PDE3A: variants seen among roughly 807,000 people sequenced by gnomAD.
PDE3A encodes phosphodiesterase 3A, also known as cGMP-inhibited 3',5'-cyclic phosphodiesterase 3A.
Under a neutral mutation model 98.3 loss-of-function variants are expected in PDE3A, and 43 were observed. The ratio of observed to expected loss-of-function variants is 0.44; its 90% CI spans 0.34 to 0.56. The LOEUF is 0.56. Among genes scored for constraint, PDE3A ranks in the 20% least tolerant of loss-of-function variants. PDE3A has a pLI of 0.01. For missense variants in PDE3A, 1,427 were observed against 1,440.7 expected, an observed-to-expected ratio of 0.99 and a Z score of 0.15; for synonymous variants, 663 against 567.9, an observed-to-expected ratio of 1.17 and a Z score of -2.38.
chr12:20,432,693 C>G (rs1214298498), intron 1 of PDE3A, among the ~76,000 whole-genome samples: 1 of 152,204 alleles, frequency 6.6e-6, no homozygotes, highest in East Asian at 1.9e-4. Flanking sequence ...CATAAAAATT[C>G]AGAGTGCAAA....
chr12:20,449,854 C>T, intron 1 of PDE3A: 1 of 591,764 alleles, frequency 1.7e-6, no homozygotes. Context: ...GAGACCTGCC[C>T]CTTTTAGTGG....
chr12:20,588,986 C>T (rs1346283265), intron 2 of PDE3A, among the ~76,000 whole-genome samples: 3 of 152,114 alleles, frequency 2.0e-5, no homozygotes, highest in Non-Finnish European at 4.4e-5. Context: ...GTAGTGGCGC[C>T]ATTTGGGCTC....
intron 1 of PDE3A, among the ~76,000 whole-genome samples, chr12:20,424,282 A>G (rs1438894607): frequency 6.6e-6 from 1 of 152,166 alleles, no homozygotes; most frequent in East Asian, 1.9e-4. Flanking sequence ...TGGAGACATG[A>G]GCTAGGAAAA....
intron 2 of PDE3A, among the ~76,000 whole-genome samples, chr12:20,570,432 A>C (rs1942774547): frequency 6.7e-6 from 1 of 150,216 alleles, no homozygotes; most frequent in Admixed American, 6.6e-5. Context: ...AAAAAAAAAA[A>C]AAAAAAGGTG....
chr12:20,570,698 C>T (rs545017648), intron 2 of PDE3A, among the ~76,000 whole-genome samples: 1 of 152,240 alleles, frequency 6.6e-6, no homozygotes, highest in Admixed American at 6.5e-5. Flanking sequence ...CAGTCATGAA[C>T]AGACCAAGAT....
chr12:20,639,697 C>A (rs1010676241), intron 9 of PDE3A, 149 bp from the exon 10 acceptor site: 9 of 495,276 alleles, frequency 1.8e-5, no homozygotes, highest in Admixed American at 7.0e-5. Context: ...TGATGACTAT[C>A]ATTTTAACCA....
chr12:20,593,556 A>T (rs1483475994), intron 2 of PDE3A, among the ~76,000 whole-genome samples: 1 of 152,152 alleles, frequency 6.6e-6, no homozygotes, highest in East Asian at 1.9e-4. Context: ...GGAAAAAAAA[A>T]AAAATGTCAG....
chr12:20,661,932 T>A (rs1011049431), intron 15 of PDE3A, among the ~76,000 whole-genome samples: 2 of 151,994 alleles, frequency 1.3e-5, no homozygotes, highest in Non-Finnish European at 2.9e-5. Context: ...GACCCCAGAA[T>A]GGTAGATCCA....
At chr12:20,582,359 T>G (rs1173289902) in intron 2 of PDE3A, among the ~76,000 whole-genome samples, 5 of 151,974 alleles carry the variant, frequency 3.3e-5, no homozygotes, top group African/African-American at 1.2e-4. Flanking sequence ...CCTGACTATG[T>G]TTTTTGTATT....
chr12:20,643,897 G>C (rs1944706809), intron 10 of PDE3A, among the ~76,000 whole-genome samples: 1 of 151,086 alleles, frequency 6.6e-6, no homozygotes, highest in Admixed American at 6.6e-5. Flanking sequence ...GGACAGGGTG[G>C]ATTAGAGCTC....
chr12:20,613,383 G>A, intron 2 of PDE3A, 60 bp from the exon 3 acceptor site: 1 of 1,534,656 alleles, frequency 6.5e-7, no homozygotes, highest in South Asian at 1.1e-5. Flanking sequence ...CCAAATTAAT[G>A]CTTTGTGCCT....
In PDE3A at chr12:20,648,888, C is replaced by A; in HGVS notation, c.2766C>A (p.Gly922=). 1.9e-6 allele frequency: 3 copies of A among 1,574,944 alleles called. No individual in the cohort carries two copies. The highest frequency in any genetic ancestry group is 2.6e-6 in the Non-Finnish European group (3 of 1,145,904). The change falls in exon 13 of 16, where the codon GGC becomes GGA. Residue 922 remains glycine, a synonymous_variant. Coordinates refer to ENST00000359062, the MANE Select transcript of PDE3A (RefSeq NM_000921.5). ...TTGACTTCGTAGCCAAATTTAATGGCAAGGTAAATAGAGCTGTACCCAGTT... is the reference window on the plus strand; with the variant it reads ...TTGACTTCGTAGCCAAATTTAATGGAAAGGTAAATAGAGCTGTACCCAGTT... The part of the protein sequence containing the change: ...KHFDFVAKFN[G]KVNDDVGIDW...
At chr12:20,650,335 T>C (rs11045369) in intron 13 of PDE3A, 110 bp from the exon 14 acceptor site, 25,859 of 561,816 alleles carry the variant, frequency 0.046, 716 homozygotes, top group Non-Finnish European at 0.061. Context: ...TTATTTGGTA[T>C]TATGATCCCT....
intron 1 of PDE3A, among the ~76,000 whole-genome samples, chr12:20,408,733 C>T (rs1018854234): frequency 2.0e-5 from 3 of 152,234 alleles, no homozygotes; most frequent in Non-Finnish European, 2.9e-5. Context: ...TGAGTGATTA[C>T]ATAATTTATT....
intron 1 of PDE3A, among the ~76,000 whole-genome samples, chr12:20,446,236 G>C (rs73069176): frequency 1.3e-5 from 2 of 152,072 alleles, no homozygotes; most frequent in African/African-American, 2.4e-5. Flanking sequence ...AGCTTAAGTC[G>C]TGAGAAAATG....
At chr12:20,626,449 T>C (rs1359544908) in intron 5 of PDE3A, among the ~76,000 whole-genome samples, 3 of 152,048 alleles carry the variant, frequency 2.0e-5, no homozygotes, top group Non-Finnish European at 4.4e-5. Flanking sequence ...GAAATATCCA[T>C]GCTTCTCATG....
Position 20,369,244 on chromosome 12 carries a change from G to T in PDE3A, c.-41G>T. The T allele has an allele frequency of 7.0e-7, 1 of 1,430,400 alleles. No individual in the cohort carries two copies. Among genetic ancestry groups the T allele is most frequent in the Non-Finnish European group, 9.3e-7 (1 of 1,075,886 alleles). 88.6% of individuals were successfully genotyped at this position (1,430,400 alleles called of 1,614,324 possible). On this transcript the variant is annotated 5_prime_UTR_variant, in exon 1 of 16. Coordinates refer to ENST00000359062, the MANE Select transcript of PDE3A (RefSeq NM_000921.5). ...GCGCGTGGGTCGGGGCGGGGGCGTC[G>T]GGGGGCCACTGGGAATTCAGTGAAG...
At chr12:20,422,377 C>T (rs1321196562) in intron 1 of PDE3A, among the ~76,000 whole-genome samples, 3 of 151,876 alleles carry the variant, frequency 2.0e-5, no homozygotes, top group Admixed American at 6.6e-5. Flanking sequence ...CACTAACTGT[C>T]GAGTCTTTTA....
chr12:20,571,847 T>A, intron 2 of PDE3A: 1 of 952,834 alleles, frequency 1.0e-6, no homozygotes, highest in Non-Finnish European at 1.3e-6. Flanking sequence ...AAGCTTCTAG[T>A]ATCCAAGTAG....
Sources: allele counts gnomAD v4.1 joint callset (sites outside exome capture counted in the v4.1 genomes callset), GRCh38; gene constraint gnomAD v4.1.1; transcripts MANE v1.5; gene names NCBI Gene and HGNC (gene_info 2026-07-23, HGNC 2026-07-21).